Variants in CAMK4 observed in about 807,000 individuals in gnomAD.
CAMK4 encodes calcium/calmodulin-dependent protein kinase type IV.
Under a neutral mutation model 44.9 loss-of-function variants are expected in CAMK4, and 22 were observed. The ratio of observed to expected loss-of-function variants is 0.49; its 90% confidence interval spans 0.35 to 0.70. CAMK4 has a LOEUF of 0.70. CAMK4 is among the 30% of genes least tolerant of loss of function. The pLI, the probability that CAMK4 is intolerant of heterozygous loss-of-function variation, is 0.01. For synonymous variants in CAMK4, 218 were observed against 215.4 expected (o/e 1.01, Z -0.11); for missense variants, 498 against 586.8 (o/e 0.85, Z 1.56).
intron 5 of CAMK4, among the ~76,000 whole-genome samples, chr5:111,425,538 T>C (rs1331761737): frequency 6.6e-6 from 1 of 152,224 alleles, no homozygotes; most frequent in Non-Finnish European, 1.5e-5. Context: ...TAAGAGCACA[T>C]AGTTTGGCAG....
chr5:111,476,229 C>A (rs1755230339), intron 8 of CAMK4, among the ~76,000 whole-genome samples: 1 of 147,090 alleles, frequency 6.8e-6, no homozygotes, highest in Non-Finnish European at 1.5e-5. Context: ...TAACTTCACT[C>A]TTTGCTTCTT....
At chr5:111,430,485 A>G (rs895865734) in intron 5 of CAMK4, among the ~76,000 whole-genome samples, 1 of 152,226 alleles carries the variant, frequency 6.6e-6, no homozygotes, top group African/African-American at 2.4e-5. Context: ...AGAGAAAGAT[A>G]TAAAGCGTAT....
At chr5:111,236,534 A>G (rs1190089343) in intron 1 of CAMK4, among the ~76,000 whole-genome samples, 2 of 152,270 alleles carry the variant, frequency 1.3e-5, no homozygotes, top group African/African-American at 4.8e-5. Flanking sequence ...CTGGTTTGTC[A>G]GACTTCAGCA....
intron 5 of CAMK4, among the ~76,000 whole-genome samples, chr5:111,399,256 G>T (rs1330243914): frequency 1.3e-5 from 2 of 152,048 alleles, no homozygotes; most frequent in African/African-American, 4.8e-5. Flanking sequence ...GTCATTTCCT[G>T]CCTGGGGAGC....
intron 5 of CAMK4, among the ~76,000 whole-genome samples, chr5:111,445,921 A>C (rs1477025057): frequency 2.0e-5 from 3 of 152,176 alleles, no homozygotes; most frequent in South Asian, 2.1e-4. Context: ...CAAACTGATG[A>C]GGGATTACTT....
chr5:111,301,087 T>C (rs762738998), intron 1 of CAMK4, among the ~76,000 whole-genome samples: 9 of 152,108 alleles, frequency 5.9e-5, no homozygotes, highest in Non-Finnish European at 8.8e-5. Context: ...GGTTTTTTTT[T>C]TTCATCAGCC....
intron 5 of CAMK4, among the ~76,000 whole-genome samples, chr5:111,435,734 G>A (rs1163289055): frequency 3.3e-5 from 5 of 152,058 alleles, no homozygotes; most frequent in African/African-American, 9.7e-5. Context: ...CCCAAGCTTT[G>A]AAGTTTTTCC....
intron 1 of CAMK4, among the ~76,000 whole-genome samples, chr5:111,287,584 C>CT (rs980966237): frequency 1.8e-4 from 27 of 152,222 alleles, no homozygotes; most frequent in African/African-American, 5.8e-4. Flanking sequence ...ATTGTTTTGA[C>CT]TTTTTTGTCA....
chr5:111,293,983 G>A (rs957841021), intron 1 of CAMK4, among the ~76,000 whole-genome samples: 10 of 152,050 alleles, frequency 6.6e-5, no homozygotes, highest in East Asian at 3.9e-4. Context: ...TCCTGACCTC[G>A]TGACCCGCCT....
intron 1 of CAMK4, among the ~76,000 whole-genome samples, chr5:111,286,051 C>T (rs574532555): frequency 2.0e-4 from 31 of 152,146 alleles, no homozygotes; most frequent in African/African-American, 5.8e-4. Flanking sequence ...GTGACCAAAA[C>T]GCAAAGTGGA....
chr5:111,361,926 T>C (rs1344707618), intron 2 of CAMK4, among the ~76,000 whole-genome samples: 2 of 152,074 alleles, frequency 1.3e-5, no homozygotes, highest in Admixed American at 1.3e-4. Context: ...ATACTTTCTC[T>C]GACTGGGGTG....
Position 111,342,645 on chromosome 5 carries a change from A to G in CAMK4, c.162-1379A>G, listed in dbSNP as rs1181802614. On this transcript the variant is annotated intron_variant, in intron 1 of 10. Coordinates refer to ENST00000282356, the MANE Select transcript of CAMK4 (RefSeq NM_001744.6). ...TTAATGTAATTATATGATTAGAATA[A>G]AAACCACCACATTGTTAGCTGTTTC... Among the ~76,000 whole-genome samples the G allele has an allele frequency of 2.0e-5, 3 of 151,636 alleles. No homozygotes were observed. The East Asian group carries it at 5.9e-4, about 30-fold the overall frequency.
At position 111,236,262 on chromosome 5, in the gene CAMK4, G is replaced by A. The variant is rs114949998; in HGVS notation, c.161+11618G>A. Among the ~76,000 whole-genome samples, 151 of 152,358 alleles carry A rather than the reference G, an allele frequency of 9.9e-4. 1 individual carries two copies. The highest frequency in any genetic ancestry group is 3.5e-3 in the African/African-American group (147 of 41,572). The stretch of plus-strand genomic sequence containing the variant: ...TACCTTACTTAGTTCAGTTTATACA[G>A]CCTTGTTAGCAATCTGAGCTCAACT... On this transcript the variant is annotated intron_variant, in intron 1 of 10. Coordinates refer to ENST00000282356, the MANE Select transcript of CAMK4 (RefSeq NM_001744.6).
intron 1 of CAMK4, among the ~76,000 whole-genome samples, chr5:111,313,815 G>A (rs536665824): frequency 6.6e-6 from 1 of 152,204 alleles, no homozygotes; most frequent in East Asian, 1.9e-4. Flanking sequence ...ATAGCTACTT[G>A]CTGCTTACAT....
Position 111,487,633 on chromosome 5 carries a change from G to T in CAMK4, c.*3167G>T, listed in dbSNP as rs1580819626. On this transcript the variant is annotated 3_prime_UTR_variant, in exon 11 of 11. Coordinates refer to ENST00000282356, the MANE Select transcript of CAMK4 (RefSeq NM_001744.6). ...TATATAGTCAATATTAAAATTTAAT[G>T]TGATATTTTGAATTCTTTATTTTTA... 1 of 152,130 alleles carries T rather than the reference G, an allele frequency of 6.6e-6. No homozygotes were observed. Among genetic ancestry groups the T allele is most frequent in the South Asian group, 2.1e-4 (1 of 4,828 alleles). 9.4% of individuals were successfully genotyped at this position (152,130 alleles called of 1,614,324 possible). A position where few individuals can be genotyped will look rare whatever the true frequency, so the allele number is the denominator to read the frequency against.
chr5:111,448,871 G>A (rs906472549), intron 6 of CAMK4, among the ~76,000 whole-genome samples: 1 of 152,136 alleles, frequency 6.6e-6, no homozygotes, highest in Non-Finnish European at 1.5e-5. Context: ...GCGGGGAATT[G>A]TACAGAAGAA....
At chr5:111,278,778 A>T (rs1028013392) in intron 1 of CAMK4, among the ~76,000 whole-genome samples, 2 of 152,208 alleles carry the variant, frequency 1.3e-5, no homozygotes, top group African/African-American at 4.8e-5. Context: ...CAAAGAAACC[A>T]CTCCATCCTT....
intron 5 of CAMK4, among the ~76,000 whole-genome samples, chr5:111,445,165 C>G (rs916914558): frequency 6.6e-6 from 1 of 152,080 alleles, no homozygotes; most frequent in Non-Finnish European, 1.5e-5. Context: ...TATTGTATTA[C>G]TTGTAACTTT....
At chr5:111,424,766 G>C (rs1218541996) in intron 5 of CAMK4, among the ~76,000 whole-genome samples, 1 of 151,646 alleles carries the variant, frequency 6.6e-6, no homozygotes, top group Non-Finnish European at 1.5e-5. Flanking sequence ...ATTCTTTTTA[G>C]TTCAGGAGTA....
Sources: gnomAD v4.1 joint callset for allele counts (sites outside exome capture counted in the v4.1 genomes callset) on GRCh38, gnomAD v4.1.1 for gene constraint, MANE v1.5 for transcripts, NCBI Gene and HGNC (gene_info 2026-07-23, HGNC 2026-07-21) for gene names.